The following PLCL1 variants were observed in gnomAD, a reference collection of about 807,000 sequenced individuals.
The protein encoded by PLCL1 is inactive phospholipase C-like protein 1.
PLCL1 carries 41 observed loss-of-function variants against 84.4 expected under a neutral mutation model. The observed-to-expected ratio is 0.49, with a 90% CI of 0.38 to 0.63. The LOEUF is 0.63. PLCL1 is among the 30% of genes least tolerant of loss of function. The pLI is 0.00. For missense variants in PLCL1, 1,206 were observed against 1,367.8 expected, an observed-to-expected ratio of 0.88 and a Z score of 1.87; for synonymous variants, 490 against 488.3, an observed-to-expected ratio of 1.00 and a Z score of -0.05.
chr2:197,822,770 G>C (rs1011200506), intron 1 of PLCL1, among the ~76,000 whole-genome samples: 5 of 152,156 alleles, frequency 3.3e-5, no homozygotes, highest in Admixed American at 2.0e-4. Context: ...GTGGTCCACT[G>C]TAGTGGGCTG....
chr2:197,957,997 T>C (rs1321125278), intron 1 of PLCL1, among the ~76,000 whole-genome samples: 1 of 152,136 alleles, frequency 6.6e-6, no homozygotes, highest in Non-Finnish European at 1.5e-5. Flanking sequence ...CAAGTTTATT[T>C]CTGGTTCTAA....
intron 1 of PLCL1, among the ~76,000 whole-genome samples, chr2:197,935,135 AG>A (rs1264345181): frequency 6.6e-6 from 1 of 152,246 alleles, no homozygotes; most frequent in Non-Finnish European, 1.5e-5. Flanking sequence ...AAGAAATAAC[AG>A]GTCCTGGTGA....
At chr2:198,039,256 T>A (rs567434891) in intron 1 of PLCL1, among the ~76,000 whole-genome samples, 1 of 152,286 alleles carries the variant, frequency 6.6e-6, no homozygotes, top group African/African-American at 2.4e-5. Flanking sequence ...AGATTCAACA[T>A]GGAAAACATT....
chr2:198,121,617 G>C (rs547428026), intron 5 of PLCL1, among the ~76,000 whole-genome samples: 6 of 152,032 alleles, frequency 3.9e-5, no homozygotes, highest in Admixed American at 2.6e-4. Context: ...GTTTACTGTA[G>C]GTGTGTAGAT....
chr2:197,990,283 A>G (rs1192849440), intron 1 of PLCL1, among the ~76,000 whole-genome samples: 1 of 152,204 alleles, frequency 6.6e-6, no homozygotes, highest in Non-Finnish European at 1.5e-5. Flanking sequence ...TGAGTTTGCA[A>G]TTGCAGGTGC....
intron 1 of PLCL1, among the ~76,000 whole-genome samples, chr2:197,922,046 G>T (rs1574949613): frequency 1.6e-5 from 2 of 124,794 alleles, no homozygotes; most frequent in Admixed American, 8.4e-5. Context: ...ATAATTCTTG[G>T]GTGTTTCTCA....
chr2:197,819,511 C>T (rs902116844), intron 1 of PLCL1, among the ~76,000 whole-genome samples: 1 of 151,980 alleles, frequency 6.6e-6, no homozygotes, highest in Non-Finnish European at 1.5e-5. Flanking sequence ...TATGTTTATA[C>T]CACAACTTGA....
intron 1 of PLCL1, among the ~76,000 whole-genome samples, chr2:198,026,295 A>G (rs1057476072): frequency 1.3e-5 from 2 of 152,216 alleles, no homozygotes; most frequent in Non-Finnish European, 2.9e-5. Context: ...CAAGATAGGG[A>G]TGTAAAATGC....
At chr2:197,835,491 C>T (rs1433510992) in intron 1 of PLCL1, among the ~76,000 whole-genome samples, 2 of 152,148 alleles carry the variant, frequency 1.3e-5, no homozygotes, top group Non-Finnish European at 2.9e-5. Flanking sequence ...TGGCAACCAT[C>T]GTTATACTTT....
In PLCL1 at chr2:198,012,448, T is replaced by A. The variant is rs1574245562; in HGVS notation, c.241-71310T>A. 3.3e-5 allele frequency among the ~76,000 whole-genome samples: 5 copies of A among 152,190 alleles called. 1 individual carries two copies. Among genetic ancestry groups the A allele is most frequent in the Admixed American group, 3.3e-4 (5 of 15,282 alleles). On this transcript the variant is annotated intron_variant, in intron 1 of 5. Transcript: ENST00000428675. Reference sequence around the variant, plus strand: ...ATCTTGGAATTCGTTCTGCACTGTCTCTAGTGCTAAATTGAGTCTCTTATA... The same window carrying A: ...ATCTTGGAATTCGTTCTGCACTGTCACTAGTGCTAAATTGAGTCTCTTATA...
chr2:198,142,951 T>C (rs1481599352), intron 5 of PLCL1, among the ~76,000 whole-genome samples: 1 of 152,162 alleles, frequency 6.6e-6, no homozygotes, highest in Non-Finnish European at 1.5e-5. Context: ...TTTCATGCCA[T>C]AACAATCCTA....
Position 197,875,490 on chromosome 2 carries a change from G to C in PLCL1, c.240+70151G>C, listed in dbSNP as rs1687717433. Among the ~76,000 whole-genome samples the C allele has an allele frequency of 2.0e-5, 3 of 152,136 alleles. 1 individual carries two copies. In the South Asian group the frequency reaches 6.2e-4, roughly 32 times the overall value. The stretch of plus-strand genomic sequence containing the variant: ...TCAAAATGATCTATTTGTTGACCTG[G>C]TTGATGGCTAGTAAGGTGCACTCGC... On this transcript the variant is annotated intron_variant, in intron 1 of 5. Coordinates refer to ENST00000428675, the MANE Select transcript of PLCL1 (RefSeq NM_006226.4).
At position 197,969,247 on chromosome 2, in the gene PLCL1, A is replaced by G. The variant is rs887926781; in HGVS notation, c.241-114511A>G. Among the ~76,000 whole-genome samples the G allele has an allele frequency of 2.6e-5, 4 of 152,202 alleles. No individual in the cohort carries two copies. The East Asian group carries it at 5.8e-4, about 22-fold the overall frequency. On this transcript the variant is annotated intron_variant, in intron 1 of 5. Transcript: ENST00000428675. Reference sequence around the variant, plus strand: ...TGGCGACCACTGATTTAAAAGGACAATTTACACAAAATCACCCTCAAAGTG... The same window carrying G: ...TGGCGACCACTGATTTAAAAGGACAGTTTACACAAAATCACCCTCAAAGTG...
intron 1 of PLCL1, among the ~76,000 whole-genome samples, chr2:197,910,764 C>G (rs1688471651): frequency 6.6e-6 from 1 of 152,158 alleles, no homozygotes; most frequent in Non-Finnish European, 1.5e-5. Context: ...CTGCCTGACT[C>G]AAATATCCTG....
intron 1 of PLCL1, among the ~76,000 whole-genome samples, chr2:197,919,574 C>T (rs1688666679): frequency 6.6e-6 from 1 of 152,210 alleles, no homozygotes; most frequent in Non-Finnish European, 1.5e-5. Context: ...TGGCTGTCTG[C>T]CTTCCTAACA....
At chr2:197,970,087 C>T (rs1689829453) in intron 1 of PLCL1, among the ~76,000 whole-genome samples, 1 of 152,148 alleles carries the variant, frequency 6.6e-6, no homozygotes, top group African/African-American at 2.4e-5. Context: ...TTTTCTGTTG[C>T]TGTAACGGAA....
At position 197,805,034 on chromosome 2, in the gene PLCL1, C is replaced by A; in HGVS notation, c.-66C>A. 1.4e-6 allele frequency: 2 copies of A among 1,409,208 alleles called. No homozygotes were observed. Among genetic ancestry groups the A allele is most frequent in the South Asian group, 1.5e-5 (1 of 68,202 alleles). The allele number at this position is 1,409,208 out of a possible 1,614,324, so 87.3% of individuals were successfully genotyped here. On this transcript the variant is annotated 5_prime_UTR_variant, in exon 1 of 6. Transcript: ENST00000428675. The surrounding 1 kb of genome is among the most constrained non-coding windows in gnomAD (Gnocchi z 4.0). ...CTCCCGGTGCAGGAGCGCACCGGTG[C>A]CTAGCGGCTGGACTCCGCTGCCGGG...
intron 1 of PLCL1, among the ~76,000 whole-genome samples, chr2:197,960,182 A>G (rs562644385): frequency 4.7e-4 from 71 of 152,098 alleles, no homozygotes; most frequent in African/African-American, 1.6e-3. Context: ...CTTCTTTTTC[A>G]TAGGAGGTGA....
chr2:197,988,144 G>T (rs1376401358), intron 1 of PLCL1, among the ~76,000 whole-genome samples: 1 of 152,176 alleles, frequency 6.6e-6, no homozygotes, highest in African/African-American at 2.4e-5. Flanking sequence ...AGTGAGAATA[G>T]GCAGTTTAAA....
Sources: allele counts gnomAD v4.1 joint callset (sites outside exome capture counted in the v4.1 genomes callset), GRCh38; gene constraint gnomAD v4.1.1; non-coding constraint Gnocchi (gnomAD v3.1); transcripts MANE v1.5; gene names NCBI Gene and HGNC (gene_info 2026-07-23, HGNC 2026-07-21).